DAB1: variants seen among roughly 807,000 people sequenced by gnomAD.
DAB1 encodes disabled homolog 1.
A neutral mutation model predicts 64.6 loss-of-function variants in DAB1; 15 were observed. The observed-to-expected ratio is 0.23, with a 90% CI of 0.16 to 0.36. The LOEUF (loss-of-function observed/expected upper bound fraction) is 0.36, where lower values mean the gene tolerates loss of function less well. Among genes scored for constraint, DAB1 ranks in the 10% least tolerant of loss-of-function variants. DAB1 has a pLI of 1.00. For missense variants in DAB1, 596 were observed against 706.7 expected (o/e 0.84, Z 1.78); for synonymous variants, 235 against 251.9 (o/e 0.93, Z 0.64).
intron 1 of DAB1, among the ~76,000 whole-genome samples, chr1:57,858,531 A>G (rs1004591371): frequency 1.1e-5 from 1 of 89,810 alleles, no homozygotes; most frequent in African/African-American, 3.1e-5. Context: ...GATTTAACAG[A>G]AAAAAAAAGC....
chr1:57,834,990 G>A (rs1652748545), intron 1 of DAB1, among the ~76,000 whole-genome samples: 1 of 152,110 alleles, frequency 6.6e-6, no homozygotes, highest in Non-Finnish European at 1.5e-5. Flanking sequence ...AGAGTTTAAA[G>A]TTTCATGAAA....
chr1:57,754,804 C>T (rs182693595), intron 6 of DAB1, among the ~76,000 whole-genome samples: 132 of 152,302 alleles, frequency 8.7e-4, no homozygotes, highest in Middle Eastern at 6.8e-3. Flanking sequence ...TGGGGCTCAG[C>T]CCTGGTATAT....
chr1:58,404,467 A>T (rs1644598570), intron 3 of DAB1, among the ~76,000 whole-genome samples: 1 of 152,248 alleles, frequency 6.6e-6, no homozygotes, highest in African/African-American at 2.4e-5. Flanking sequence ...TCATGTGATC[A>T]TCACATAGCC....
At chr1:57,160,709 C>T (rs1233552936) in intron 2 of DAB1, among the ~76,000 whole-genome samples, 1 of 152,176 alleles carries the variant, frequency 6.6e-6, no homozygotes, top group Non-Finnish European at 1.5e-5. Context: ...GAGAAACCTC[C>T]ATTCTCATCT....
chr1:57,268,042 T>A (rs1274137241), intron 2 of DAB1, among the ~76,000 whole-genome samples: 1 of 152,234 alleles, frequency 6.6e-6, no homozygotes, highest in African/African-American at 2.4e-5. Context: ...AATATTTACA[T>A]GTAGGGATTT....
At chr1:57,097,794 T>C (rs1313089235) in intron 4 of DAB1, among the ~76,000 whole-genome samples, 1 of 146,284 alleles carries the variant, frequency 6.8e-6, no homozygotes, top group African/African-American at 2.5e-5. Flanking sequence ...TTATTTATTT[T>C]TGAGACAGAG....
chr1:57,800,117 A>T (rs1350891911), intron 6 of DAB1, among the ~76,000 whole-genome samples: 1 of 152,160 alleles, frequency 6.6e-6, no homozygotes, highest in African/African-American at 2.4e-5. Context: ...ATAGCATCTA[A>T]GCAACTTGGC....
intron 5 of DAB1, among the ~76,000 whole-genome samples, chr1:57,893,215 C>T (rs1192468545): frequency 6.6e-6 from 1 of 152,036 alleles, no homozygotes; most frequent in African/African-American, 2.4e-5. Context: ...ATGAATAGCT[C>T]TGGGACTAAA....
chr1:57,492,033 G>C (rs545990423), intron 7 of DAB1, among the ~76,000 whole-genome samples: 14 of 152,306 alleles, frequency 9.2e-5, no homozygotes, highest in Non-Finnish European at 1.8e-4. Context: ...AGAAATAAGA[G>C]AAGAAGAAGA....
At chr1:57,801,217 C>T (rs1232073914) in intron 6 of DAB1, among the ~76,000 whole-genome samples, 2 of 152,210 alleles carry the variant, frequency 1.3e-5, no homozygotes, top group East Asian at 3.8e-4. Flanking sequence ...AGAAGACTGG[C>T]ATCTATTCCT....
intron 3 of DAB1, among the ~76,000 whole-genome samples, chr1:57,140,284 C>T (rs1054547398): frequency 2.6e-5 from 4 of 152,080 alleles, no homozygotes; most frequent in African/African-American, 7.2e-5. Context: ...TCTTACCCAT[C>T]GTATAATTTA....
At chr1:57,786,818 A>G (rs1650358901) in intron 6 of DAB1, among the ~76,000 whole-genome samples, 1 of 152,198 alleles carries the variant, frequency 6.6e-6, no homozygotes, top group African/African-American at 2.4e-5. Context: ...CTATCTGAGC[A>G]AAGTTTCCAC....
At chr1:58,314,080 T>C (rs1039927410) in intron 4 of DAB1, among the ~76,000 whole-genome samples, 3 of 152,170 alleles carry the variant, frequency 2.0e-5, no homozygotes, top group Non-Finnish European at 4.4e-5. Flanking sequence ...TTCCTGATTA[T>C]CTGGTTATTG....
intron 1 of DAB1, among the ~76,000 whole-genome samples, chr1:57,829,423 T>A (rs551341060): frequency 6.6e-6 from 1 of 152,320 alleles, no homozygotes; most frequent in South Asian, 2.1e-4. Context: ...AGTTTTCTCA[T>A]CTGCATAAGG....
At position 58,413,254 on chromosome 1, in the gene DAB1, G is replaced by A. The variant is rs75819981; in HGVS notation, n.258-69851C>T. On this transcript the variant is annotated intron_variant and non_coding_transcript_variant, in intron 3 of 20. Transcript: ENST00000485760. ...CGAACAGGGTCCCCCTTTTGTCACC[G>A]CTTCTCATCAGTATAACCTTTTATT... Among the ~76,000 whole-genome samples, 315 of 152,264 alleles carry A rather than the reference G, an allele frequency of 2.1e-3. 10 individuals are homozygous for A. In the East Asian group the frequency reaches 0.052, roughly 25 times the overall value.
chr1:57,316,801 C>T (rs1281883273), intron 1 of DAB1, among the ~76,000 whole-genome samples: 1 of 152,084 alleles, frequency 6.6e-6, no homozygotes, highest in Admixed American at 6.6e-5. Flanking sequence ...TACATAAGGG[C>T]ATAGACATTC....
At chr1:57,880,018 T>C (rs946328130) in intron 1 of DAB1, 1 of 152,120 alleles carries the variant, frequency 6.6e-6, no homozygotes, top group Non-Finnish European at 1.5e-5. Context: ...ACCCAACAGT[T>C]CCAGAAATGG....
At chr1:57,115,853 G>T (rs1474276477) in intron 4 of DAB1, among the ~76,000 whole-genome samples, 1 of 152,164 alleles carries the variant, frequency 6.6e-6, no homozygotes, top group African/African-American at 2.4e-5. Flanking sequence ...GTAAGGAAGA[G>T]ATCTGAAGTT....
chr1:58,346,788 A>G (rs1273967358), intron 3 of DAB1, among the ~76,000 whole-genome samples: 1 of 152,224 alleles, frequency 6.6e-6, no homozygotes, highest in East Asian at 1.9e-4. Flanking sequence ...AATAGCAACT[A>G]CCTGCTAGAA....
Sources: allele counts gnomAD v4.1 joint callset (sites outside exome capture counted in the v4.1 genomes callset), GRCh38; gene constraint gnomAD v4.1.1; transcripts MANE v1.5; gene names NCBI Gene and HGNC (gene_info 2026-07-23, HGNC 2026-07-21).